Variants in PDE7A observed in about 807,000 individuals in gnomAD.
PDE7A encodes high affinity 3',5'-cyclic-AMP phosphodiesterase 7A.
A neutral mutation model predicts 64.3 loss-of-function variants in PDE7A; 39 were observed. That is an observed-to-expected ratio of 0.61 (90% CI 0.47 to 0.79). PDE7A has a LOEUF of 0.79. Ranked by LOEUF, PDE7A falls within the 30% of genes least tolerant of loss-of-function variation. The pLI, the probability that PDE7A is intolerant of heterozygous loss-of-function variation, is 0.00. For synonymous variants in PDE7A, 203 were observed against 206.8 expected (o/e 0.98, Z 0.16); for missense variants, 470 against 582.8 (o/e 0.81, Z 1.99).
At chr8:65,830,191 C>T (rs1810780606) in intron 1 of PDE7A, among the ~76,000 whole-genome samples, 1 of 151,992 alleles carries the variant, frequency 6.6e-6, no homozygotes, top group South Asian at 2.1e-4. Flanking sequence ...TCAATATATT[C>T]ATGTTGAGAA....
At chr8:65,780,359 G>GA (rs2128923907) in intron 2 of PDE7A, among the ~76,000 whole-genome samples, 1 of 152,272 alleles carries the variant, frequency 6.6e-6, no homozygotes, top group Admixed American at 6.5e-5. Context: ...AAATGTTAAA[G>GA]ACTTTGTTTT....
intron 1 of PDE7A, among the ~76,000 whole-genome samples, chr8:65,795,078 C>T (rs1385732755): frequency 6.6e-6 from 1 of 152,144 alleles, no homozygotes; most frequent in Non-Finnish European, 1.5e-5. Flanking sequence ...AAACAAGATT[C>T]AATAAATTAT....
intron 4 of PDE7A, among the ~76,000 whole-genome samples, chr8:65,746,762 T>G (rs1353467292): frequency 6.6e-6 from 1 of 152,186 alleles, no homozygotes; most frequent in Non-Finnish European, 1.5e-5. Context: ...AAGGCAGAAC[T>G]TGTAAACATT....
chr8:65,792,342 A>G (rs1054046372), intron 1 of PDE7A, among the ~76,000 whole-genome samples: 1 of 152,240 alleles, frequency 6.6e-6, no homozygotes, highest in African/African-American at 2.4e-5. Flanking sequence ...TTAAAAGCAG[A>G]CCTCACTATT....
At chr8:65,788,640 G>A (rs1049486548) in intron 1 of PDE7A, among the ~76,000 whole-genome samples, 5 of 152,088 alleles carry the variant, frequency 3.3e-5, no homozygotes, top group African/African-American at 1.2e-4. Context: ...TGATACTGAG[G>A]AATGCTGCTT....
At chr8:65,778,174 C>T (rs998165674) in intron 3 of PDE7A, among the ~76,000 whole-genome samples, 2 of 152,190 alleles carry the variant, frequency 1.3e-5, no homozygotes, top group Admixed American at 6.5e-5. Flanking sequence ...AGCTCATCAA[C>T]AGAATATGGA....
intron 12 of PDE7A, chr8:65,720,523 T>C (rs1321113152): frequency 6.5e-6 from 1 of 154,186 alleles, no homozygotes; most frequent in African/African-American, 2.4e-5. Context: ...AGGAAAGTTA[T>C]ATATGGTCTG....
At chr8:65,788,868 TA>T in intron 1 of PDE7A, 1 of 1,559,602 alleles carries the variant, frequency 6.4e-7, no homozygotes, top group Non-Finnish European at 8.8e-7. Context: ...ATCCTAAAAA[TA>T]AAGATGGCCT....
At position 65,747,742 on chromosome 8, in the gene PDE7A, C is replaced by T; in HGVS notation, c.345G>A (p.Gln115=). ...AAAAGCGTGAAGATCTAAGATATCG[C>T]TGGAAACTTAGTAGCCTTCTGATAT... ...ARNIRRLLSF[Q]RYLRSSRFFR... The change falls in exon 4 of 13, where the codon CAG becomes CAA. Residue 115 remains glutamine (Q), a synonymous_variant. Coordinates refer to ENST00000401827, the MANE Select transcript of PDE7A (RefSeq NM_001242318.3). 1 of 1,608,782 alleles carries T rather than the reference C, an allele frequency of 6.2e-7. No individual in the cohort carries two copies. The highest frequency in any genetic ancestry group is 8.5e-7 in the Non-Finnish European group (1 of 1,175,494).
chr8:65,728,822 TAATG>T (rs1039449133), intron 7 of PDE7A, among the ~76,000 whole-genome samples: 1 of 152,206 alleles, frequency 6.6e-6, no homozygotes, highest in Non-Finnish European at 1.5e-5. Context: ...TTTAAAAAAT[TAATG>T]TATGACTGCA....
chr8:65,834,724 T>A (rs1268143217), intron 1 of PDE7A, among the ~76,000 whole-genome samples: 2 of 152,136 alleles, frequency 1.3e-5, no homozygotes, highest in Admixed American at 1.3e-4. Context: ...TTTCTGAAAA[T>A]GAAGAGCCAT....
chr8:65,721,133 C>CT (rs150607693), intron 12 of PDE7A, among the ~76,000 whole-genome samples: 2,288 of 152,290 alleles, frequency 0.015, 67 homozygotes, highest in African/African-American at 0.052. Context: ...GGGCAGGACT[C>CT]TGTTAATTAG....
chr8:65,774,948 G>A (rs903230968), intron 3 of PDE7A, among the ~76,000 whole-genome samples: 1 of 152,100 alleles, frequency 6.6e-6, no homozygotes, highest in Admixed American at 6.5e-5. Flanking sequence ...TTAGTATTAC[G>A]ATGAAAATAG....
chr8:65,785,464 A>C (rs1288208263), intron 1 of PDE7A, among the ~76,000 whole-genome samples: 2 of 152,156 alleles, frequency 1.3e-5, no homozygotes, highest in Non-Finnish European at 2.9e-5. Flanking sequence ...CACTAATAGA[A>C]TATCCTAAGG....
intron 1 of PDE7A, among the ~76,000 whole-genome samples, chr8:65,829,699 G>A (rs1053716232): frequency 6.6e-6 from 1 of 152,012 alleles, no homozygotes; most frequent in Non-Finnish European, 1.5e-5. Context: ...AAAATGTTGG[G>A]AATGGAATTA....
At position 65,836,568 on chromosome 8, in the gene PDE7A, A is replaced by G. The variant is rs150727001; in HGVS notation, c.138+4803T>C. Reference sequence around the variant, plus strand: ...ATTTTAAAGACTTTATCAAGCATGCATGAAGGTATTTATTAAATGAAGTTT... The same window carrying G: ...ATTTTAAAGACTTTATCAAGCATGCGTGAAGGTATTTATTAAATGAAGTTT... On this transcript the variant is annotated intron_variant, in intron 1 of 12. Coordinates refer to ENST00000401827, the MANE Select transcript of PDE7A (RefSeq NM_001242318.3). Among the ~76,000 whole-genome samples, 4 of 152,350 alleles carry G rather than the reference A, an allele frequency of 2.6e-5. No homozygotes were observed. In the East Asian group the frequency reaches 7.7e-4, roughly 29 times the overall value.
chr8:65,727,434 T>A (rs1381851838), intron 7 of PDE7A, 133 bp from the exon 8 acceptor site: 97 of 1,316,984 alleles, frequency 7.4e-5, no homozygotes, highest in Non-Finnish European at 9.6e-5. Flanking sequence ...CCTCAGGTGG[T>A]TGTTCATTAG....
intron 1 of PDE7A, among the ~76,000 whole-genome samples, chr8:65,837,750 A>T (rs959118570): frequency 1.3e-5 from 2 of 152,244 alleles, no homozygotes; most frequent in African/African-American, 2.4e-5. Context: ...AACAGTAAAC[A>T]GTACAACATA....
intron 8 of PDE7A, 78 bp from the exon 9 acceptor site, chr8:65,727,044 A>G: frequency 1.0e-6 from 1 of 975,928 alleles, no homozygotes; most frequent in Non-Finnish European, 1.6e-6. Flanking sequence ...TACTGTTAGC[A>G]ATATTAATCT....
Sources: allele counts gnomAD v4.1 joint callset (sites outside exome capture counted in the v4.1 genomes callset), GRCh38; gene constraint gnomAD v4.1.1; transcripts MANE v1.5; gene names NCBI Gene and HGNC (gene_info 2026-07-23, HGNC 2026-07-21).